The following HS6ST3 variants were observed in gnomAD, a reference collection of about 807,000 sequenced individuals.
The protein encoded by HS6ST3 is heparan sulfate 6-O-sulfotransferase 3.
HS6ST3 carries 12 observed loss-of-function variants against 36.7 expected under a neutral mutation model. The ratio of observed to expected loss-of-function variants is 0.33; its 90% CI spans 0.21 to 0.53. HS6ST3 has a LOEUF of 0.53. Among genes scored for constraint, HS6ST3 ranks in the 20% least tolerant of loss-of-function variants. HS6ST3 has a pLI of 0.95. For synonymous variants in HS6ST3, 240 were observed against 257.5 expected, an observed-to-expected ratio of 0.93 and a Z score of 0.65; for missense variants, 584 against 640.9, an observed-to-expected ratio of 0.91 and a Z score of 0.96.
At chr13:96,495,447 C>G (rs2138908867) in intron 1 of HS6ST3, among the ~76,000 whole-genome samples, 1 of 152,220 alleles carries the variant, frequency 6.6e-6, no homozygotes, top group Admixed American at 6.5e-5. Context: ...TTTAACAGTG[C>G]TTTAAACACT....
At chr13:96,482,062 T>C (rs983693905) in intron 1 of HS6ST3, among the ~76,000 whole-genome samples, 56 of 152,326 alleles carry the variant, frequency 3.7e-4, no homozygotes, top group Non-Finnish European at 1.3e-4. Context: ...TTACTATTGC[T>C]GAAAGTTTCA....
intron 1 of HS6ST3, among the ~76,000 whole-genome samples, chr13:96,205,439 A>G (rs1358078932): frequency 6.6e-6 from 1 of 152,122 alleles, no homozygotes; most frequent in Non-Finnish European, 1.5e-5. Context: ...ACTATTCCAA[A>G]CAATTGAAAA....
chr13:96,372,619 C>A (rs1207883420), intron 1 of HS6ST3, among the ~76,000 whole-genome samples: 1 of 151,984 alleles, frequency 6.6e-6, no homozygotes, highest in Non-Finnish European at 1.5e-5. Context: ...GGATTTAGGT[C>A]TTATGTTTAA....
intron 1 of HS6ST3, among the ~76,000 whole-genome samples, chr13:96,234,840 C>T (rs2054526794): frequency 4.6e-5 from 7 of 152,166 alleles, no homozygotes; most frequent in Admixed American, 4.6e-4. Flanking sequence ...GCTGCTTATA[C>T]AAACTTCCTC....
chr13:96,465,293 A>G lies in HS6ST3; in HGVS notation c.708-367197A>G, dbSNP rs551518480. On this transcript the variant is annotated intron_variant, in intron 1 of 1. Coordinates refer to ENST00000376705, the MANE Select transcript of HS6ST3 (RefSeq NM_153456.4). Reference sequence around the variant, plus strand: ...TGCATATTTGTACCAGGAAACAGTCATACAAATATTCTTAGCAACAGAATA... The same window carrying G: ...TGCATATTTGTACCAGGAAACAGTCGTACAAATATTCTTAGCAACAGAATA... Among the ~76,000 whole-genome samples, 111 of 152,338 alleles carry G rather than the reference A, an allele frequency of 7.3e-4. 3 individuals carry two copies. The highest frequency in any genetic ancestry group is 5.5e-3 in the Admixed American group (84 of 15,304).
At chr13:96,215,002 C>T (rs2054417038) in intron 1 of HS6ST3, among the ~76,000 whole-genome samples, 1 of 152,172 alleles carries the variant, frequency 6.6e-6, no homozygotes, top group Non-Finnish European at 1.5e-5. Flanking sequence ...CCTCTGCCCT[C>T]CCACTTCCTC....
intron 1 of HS6ST3, among the ~76,000 whole-genome samples, chr13:96,711,313 G>A (rs1315377789): frequency 6.6e-6 from 1 of 152,122 alleles, no homozygotes; most frequent in Non-Finnish European, 1.5e-5. Context: ...GAACTATTTG[G>A]AGAAAATAAA....
intron 1 of HS6ST3, among the ~76,000 whole-genome samples, chr13:96,290,285 G>A (rs1360870238): frequency 6.6e-6 from 1 of 152,130 alleles, no homozygotes; most frequent in Non-Finnish European, 1.5e-5. Flanking sequence ...GACTCATCCA[G>A]GGTTCTTGTC....
At chr13:96,388,009 G>C (rs1299455727) in intron 1 of HS6ST3, among the ~76,000 whole-genome samples, 1 of 152,158 alleles carries the variant, frequency 6.6e-6, no homozygotes, top group Non-Finnish European at 1.5e-5. Context: ...CAACGATTTG[G>C]CCAACTTTGA....
chr13:96,725,693 A>T (rs1273417491), intron 1 of HS6ST3, among the ~76,000 whole-genome samples: 3 of 149,618 alleles, frequency 2.0e-5, no homozygotes, highest in Admixed American at 1.3e-4. Context: ...TGTGTGTGTG[A>T]TTGTGTGAAT....
At chr13:96,649,853 T>G (rs890418595) in intron 1 of HS6ST3, among the ~76,000 whole-genome samples, 1 of 152,054 alleles carries the variant, frequency 6.6e-6, no homozygotes, top group Non-Finnish European at 1.5e-5. Flanking sequence ...GCCAAAGTCT[T>G]TACTATGGCC....
At chr13:96,653,312 A>T (rs999573464) in intron 1 of HS6ST3, among the ~76,000 whole-genome samples, 3 of 152,180 alleles carry the variant, frequency 2.0e-5, no homozygotes, top group African/African-American at 7.2e-5. Context: ...TGCACTTATC[A>T]ACCCGTCATC....
intron 1 of HS6ST3, among the ~76,000 whole-genome samples, chr13:96,818,528 G>A (rs1878469510): frequency 6.6e-6 from 1 of 152,196 alleles, no homozygotes; most frequent in African/African-American, 2.4e-5. Flanking sequence ...GGTGGGAGCT[G>A]AAGAACAAAA....
chr13:96,579,944 A>G (rs996705320), intron 1 of HS6ST3, among the ~76,000 whole-genome samples: 5 of 152,158 alleles, frequency 3.3e-5, no homozygotes, highest in Non-Finnish European at 7.3e-5. Context: ...TCTCTCCTAG[A>G]TAATTGAATG....
At chr13:96,270,027 C>T (rs866416071) in intron 1 of HS6ST3, among the ~76,000 whole-genome samples, 3 of 151,876 alleles carry the variant, frequency 2.0e-5, no homozygotes, top group African/African-American at 4.9e-5. Flanking sequence ...TTTGGTCAGC[C>T]GTGAGAGCTT....
intron 1 of HS6ST3, among the ~76,000 whole-genome samples, chr13:96,619,450 CT>C (rs1483915330): frequency 6.6e-6 from 1 of 152,182 alleles, no homozygotes; most frequent in African/African-American, 2.4e-5. Context: ...CTGACTGGAT[CT>C]TTTTGGTTAA....
intron 1 of HS6ST3, among the ~76,000 whole-genome samples, chr13:96,102,859 G>A (rs1039709035): frequency 4.6e-5 from 7 of 152,212 alleles, no homozygotes; most frequent in African/African-American, 1.7e-4. Flanking sequence ...AGTGGTATGA[G>A]ATGGAAAACA....
chr13:96,459,720 T>C (rs558944275), intron 1 of HS6ST3, among the ~76,000 whole-genome samples: 2 of 152,320 alleles, frequency 1.3e-5, no homozygotes, highest in Non-Finnish European at 2.9e-5. Context: ...GTACACACAT[T>C]AGCTACAGCT....
chr13:96,623,606 C>T (rs1220583450), intron 1 of HS6ST3, among the ~76,000 whole-genome samples: 1 of 151,978 alleles, frequency 6.6e-6, no homozygotes, highest in Non-Finnish European at 1.5e-5. Context: ...CCCCCTCCTG[C>T]CCCACTTTCT....
Sources: gnomAD v4.1 joint callset for allele counts (sites outside exome capture counted in the v4.1 genomes callset) on GRCh38, gnomAD v4.1.1 for gene constraint, MANE v1.5 for transcripts, NCBI Gene and HGNC (gene_info 2026-07-23, HGNC 2026-07-21) for gene names.